The following ZNF804A variants were observed in gnomAD, a reference collection of about 807,000 sequenced individuals.
The protein encoded by ZNF804A is zinc finger protein 804A.
ZNF804A carries 2 observed loss-of-function variants against 16.5 expected under a neutral mutation model. The observed-to-expected ratio is 0.12, with a 90% CI of 0.05 to 0.38. The LOEUF is 0.38. Among genes scored for constraint, ZNF804A ranks in the 10% least tolerant of loss-of-function variants. The pLI is 0.99. For missense variants in ZNF804A, 1,473 were observed against 1,390.7 expected (o/e 1.06, Z -0.94); for synonymous variants, 534 against 489.6 (o/e 1.09, Z -1.20).
intron 1 of ZNF804A, among the ~76,000 whole-genome samples, chr2:184,794,250 T>G (rs1420889896): frequency 6.6e-6 from 1 of 152,112 alleles, no homozygotes; most frequent in Non-Finnish European, 1.5e-5. Context: ...TAATTTTTTT[T>G]TATTATGTCC....
intron 1 of ZNF804A, among the ~76,000 whole-genome samples, chr2:184,796,043 A>G (rs1312378663): frequency 6.6e-6 from 1 of 152,054 alleles, no homozygotes; most frequent in African/African-American, 2.4e-5. Context: ...ATGTTATGCC[A>G]TCCCTGTATC....
chr2:184,827,824 G>T (rs1297926355), intron 1 of ZNF804A, among the ~76,000 whole-genome samples: 4 of 151,448 alleles, frequency 2.6e-5, no homozygotes, highest in Non-Finnish European at 3.0e-5. Flanking sequence ...CTGGTAATGG[G>T]TGTATAATAC....
At chr2:184,779,051 A>G (rs1694334142) in intron 1 of ZNF804A, among the ~76,000 whole-genome samples, 1 of 151,684 alleles carries the variant, frequency 6.6e-6, no homozygotes, top group East Asian at 1.9e-4. Flanking sequence ...CACCAACACA[A>G]TTTCACCATT....
chr2:184,903,743 G>A (rs1450627953), intron 2 of ZNF804A, among the ~76,000 whole-genome samples: 1 of 152,066 alleles, frequency 6.6e-6, no homozygotes, highest in Non-Finnish European at 1.5e-5. Flanking sequence ...ATGAAAAGCA[G>A]TACATAGTTA....
chr2:184,857,813 T>C (rs1695725969), intron 1 of ZNF804A, among the ~76,000 whole-genome samples: 1 of 152,208 alleles, frequency 6.6e-6, no homozygotes, highest in Non-Finnish European at 1.5e-5. Flanking sequence ...TACATCTTTT[T>C]TCATTTATTT....
At chr2:184,819,948 C>T (rs905948210) in intron 1 of ZNF804A, among the ~76,000 whole-genome samples, 1 of 151,770 alleles carries the variant, frequency 6.6e-6, no homozygotes, top group African/African-American at 2.4e-5. Flanking sequence ...CCAAAACAAG[C>T]CCATGACCAG....
In ZNF804A at chr2:184,834,538, C is replaced by G. The variant is rs139508176; in HGVS notation, c.112-31831C>G. Among the ~76,000 whole-genome samples the G allele has an allele frequency of 9.1e-3, 1,385 of 152,256 alleles. 23 individuals carry two copies. The highest frequency in any genetic ancestry group is 0.032 in the African/African-American group (1,324 of 41,556). ...GTATCTCTCATACACTCCTCTCTCT[C>G]TGTCTTGCTGCTGCTCCCTTTACCT... On this transcript the variant is annotated intron_variant, in intron 1 of 3. Coordinates refer to ENST00000302277, the MANE Select transcript of ZNF804A (RefSeq NM_194250.2).
chr2:184,718,976 C>T (rs544535116), intron 1 of ZNF804A, among the ~76,000 whole-genome samples: 1 of 152,298 alleles, frequency 6.6e-6, no homozygotes, highest in South Asian at 2.1e-4. Context: ...TGCCCTTCCC[C>T]CACACTGCCC....
At chr2:184,684,062 G>GGC (rs952742759) in intron 1 of ZNF804A, among the ~76,000 whole-genome samples, 18 of 152,248 alleles carry the variant, frequency 1.2e-4, no homozygotes, top group African/African-American at 4.1e-4. Flanking sequence ...CTAGGCAGAC[G>GGC]TAATTGTAAG....
intron 1 of ZNF804A, among the ~76,000 whole-genome samples, chr2:184,664,541 T>C (rs1415245746): frequency 1.3e-5 from 2 of 152,360 alleles, no homozygotes; most frequent in East Asian, 3.9e-4. Context: ...CTCAAATTTT[T>C]CATCTTTTAA....
chr2:184,796,787 T>C (rs181571983), intron 1 of ZNF804A, among the ~76,000 whole-genome samples: 8 of 152,168 alleles, frequency 5.3e-5, no homozygotes, highest in Admixed American at 3.3e-4. Flanking sequence ...CCCCTTAGCA[T>C]CGACTTTGCT....
At chr2:184,934,472 C>A (rs1183281488) in intron 3 of ZNF804A, among the ~76,000 whole-genome samples, 1 of 152,030 alleles carries the variant, frequency 6.6e-6, no homozygotes, top group Non-Finnish European at 1.5e-5. Flanking sequence ...GATACGTTGA[C>A]ATATCGAAAC....
intron 1 of ZNF804A, among the ~76,000 whole-genome samples, chr2:184,681,335 A>T (rs1692535593): frequency 6.6e-6 from 1 of 152,216 alleles, no homozygotes; most frequent in South Asian, 2.1e-4. Flanking sequence ...ATATTAAAAG[A>T]TTCTTATGTT....
chr2:184,887,675 A>G, intron 2 of ZNF804A, among the ~76,000 whole-genome samples: 1 of 152,076 alleles, frequency 6.6e-6, no homozygotes, highest in East Asian at 1.9e-4. Context: ...CCCCTGATAA[A>G]CCCATCAGAT....
intron 1 of ZNF804A, among the ~76,000 whole-genome samples, chr2:184,675,085 T>C (rs557514184): frequency 3.9e-5 from 6 of 151,928 alleles, no homozygotes; most frequent in Admixed American, 2.6e-4. Flanking sequence ...TATGTATTTA[T>C]GTAAGTATGT....
intron 1 of ZNF804A, among the ~76,000 whole-genome samples, chr2:184,864,962 C>T (rs1051392125): frequency 1.4e-5 from 2 of 147,520 alleles, no homozygotes; most frequent in African/African-American, 5.1e-5. Context: ...CTCACTGCAA[C>T]CTCTGCCTCC....
Position 184,774,555 on chromosome 2 carries a change from C to T in ZNF804A, c.112-91814C>T, listed in dbSNP as rs139733614. On this transcript the variant is annotated intron_variant, in intron 1 of 3. Coordinates refer to ENST00000302277, the MANE Select transcript of ZNF804A (RefSeq NM_194250.2). ...AAATTGTGAAAGGGGGGTCTTCCAT[C>T]CTTAACTGTGCTTTGACCTCAGTGC... Among the ~76,000 whole-genome samples, 220 of 151,810 alleles carry T rather than the reference C, an allele frequency of 1.4e-3. 1 individual carries two copies. Among genetic ancestry groups the T allele is most frequent in the Non-Finnish European group, 2.7e-3 (185 of 67,808 alleles).
chr2:184,736,129 T>A (rs982658043), intron 1 of ZNF804A, among the ~76,000 whole-genome samples: 4 of 152,146 alleles, frequency 2.6e-5, no homozygotes, highest in Admixed American at 2.6e-4. Context: ...CACATGCACA[T>A]GCCTCTTGAT....
rs114019897 is a variant in ZNF804A, at chr2:184,607,701, A to T, written c.111+8631A>T. Reference sequence around the variant, plus strand: ...CTTTTAAAGTTAATTTCAAAAGTTTATACTTTGTTAGCCTGAATTTAAGCA... The same window carrying T: ...CTTTTAAAGTTAATTTCAAAAGTTTTTACTTTGTTAGCCTGAATTTAAGCA... On this transcript the variant is annotated intron_variant, in intron 1 of 3. Coordinates refer to ENST00000302277, the MANE Select transcript of ZNF804A (RefSeq NM_194250.2). 4.5e-3 allele frequency among the ~76,000 whole-genome samples: 691 copies of T among 152,274 alleles called. 7 individuals carry two copies. The highest frequency in any genetic ancestry group is 0.02 in the Middle Eastern group (6 of 294).
Sources: gnomAD v4.1 joint callset for allele counts (sites outside exome capture counted in the v4.1 genomes callset) on GRCh38, gnomAD v4.1.1 for gene constraint, MANE v1.5 for transcripts, NCBI Gene and HGNC (gene_info 2026-07-23, HGNC 2026-07-21) for gene names.